The following FHIP1A variants were observed in gnomAD, a reference collection of about 807,000 sequenced individuals.
FHIP1A encodes FHF complex subunit HOOK-interacting protein 1A.
FHIP1A carries 61 observed loss-of-function variants against 88.6 expected under a neutral mutation model. The ratio of observed to expected loss-of-function variants is 0.69; its 90% CI spans 0.56 to 0.85. The LOEUF is 0.85. Among genes scored for constraint, FHIP1A ranks in the 40% least tolerant of loss-of-function variants. The pLI, the probability that FHIP1A is intolerant of heterozygous loss-of-function variation, is 0.00. For missense variants in FHIP1A, 1,154 were observed against 1,273.5 expected, an observed-to-expected ratio of 0.91 and a Z score of 1.43; for synonymous variants, 478 against 496.0, an observed-to-expected ratio of 0.96 and a Z score of 0.48.
In FHIP1A at chr4:151,566,270, C is replaced by T. The variant is rs200891989; in HGVS notation, c.11C>T (p.Ser4Leu). ...GATTTATGAAGGCTTATGATGTCATCGGTTTCGACAGAAAGCAAACTCCAG... is the reference window on the plus strand; with the variant it reads ...GATTTATGAAGGCTTATGATGTCATTGGTTTCGACAGAAAGCAAACTCCAG... Reference protein sequence around the residue: MMSSVSTESKLQQA... With the variant: MMSLVSTESKLQQA... The change falls in exon 4 of 14, where the codon TCG (serine) becomes TTG (leucine). Residue 4 changes from serine to leucine, a missense_variant. Ser to Leu is a moderately radical substitution (Grantham distance 145). Transcript: ENST00000435205. 57 of 1,547,880 alleles carry T rather than the reference C, an allele frequency of 3.7e-5. No homozygotes were observed. The highest frequency in any genetic ancestry group is 4.7e-5 in the Non-Finnish European group (54 of 1,144,022).
chr4:151,513,105 C>T (rs1204020675), intron 3 of FHIP1A, among the ~76,000 whole-genome samples: 5 of 151,822 alleles, frequency 3.3e-5, no homozygotes, highest in African/African-American at 9.7e-5. Flanking sequence ...GCGGATCTCT[C>T]GGCAGAAACT....
intron 3 of FHIP1A, among the ~76,000 whole-genome samples, chr4:151,517,465 A>C (rs1731285244): frequency 6.6e-6 from 1 of 152,094 alleles, no homozygotes; most frequent in East Asian, 1.9e-4. Context: ...AATAATGATA[A>C]ATTTAAAAAA....
At chr4:151,609,734 T>C (rs1560797904) in intron 7 of FHIP1A, among the ~76,000 whole-genome samples, 1 of 152,192 alleles carries the variant, frequency 6.6e-6, no homozygotes, top group East Asian at 1.9e-4. Flanking sequence ...GTTATGTGAC[T>C]GGAAGACCAG....
intron 3 of FHIP1A, among the ~76,000 whole-genome samples, chr4:151,515,322 C>T (rs947045654): frequency 1.3e-5 from 2 of 151,158 alleles, no homozygotes; most frequent in East Asian, 1.9e-4. Context: ...TAAGAGCTAT[C>T]TATGACAAAC....
chr4:151,622,289 G>C (rs1009187107), intron 7 of FHIP1A, among the ~76,000 whole-genome samples: 2 of 152,126 alleles, frequency 1.3e-5, no homozygotes, highest in African/African-American at 4.8e-5. Context: ...GCAGGGTAAG[G>C]TACAATTTAA....
chr4:151,413,423 T>C (rs955279395), intron 1 of FHIP1A, among the ~76,000 whole-genome samples: 4 of 152,172 alleles, frequency 2.6e-5, no homozygotes, highest in Non-Finnish European at 4.4e-5. Context: ...TTAGATAATA[T>C]TTTATACTGT....
chr4:151,555,779 T>C (rs995894846), intron 3 of FHIP1A, among the ~76,000 whole-genome samples: 6 of 152,182 alleles, frequency 3.9e-5, no homozygotes, highest in African/African-American at 9.6e-5. Context: ...CCCTGAAGGC[T>C]GGCTGGCTGA....
At chr4:151,480,589 T>G (rs1274782475) in intron 2 of FHIP1A, among the ~76,000 whole-genome samples, 2 of 152,038 alleles carry the variant, frequency 1.3e-5, no homozygotes, top group Non-Finnish European at 2.9e-5. Flanking sequence ...TAAAACCCCT[T>G]GCGATTAAAT....
intron 3 of FHIP1A, among the ~76,000 whole-genome samples, chr4:151,511,295 C>G (rs558063086): frequency 4.6e-5 from 7 of 152,118 alleles, no homozygotes; most frequent in Non-Finnish European, 1.0e-4. Flanking sequence ...AATGCAATCC[C>G]GAGGTGGAGC....
In FHIP1A at chr4:151,536,896, ACAGTGT is replaced by A. The variant is rs551308755; in HGVS notation, c.-122-29240_-122-29235del. ...TATTCTTTATTTTTTTGTTTTTTTG[ACAGTGT>A]CTTACTCCGTTGCCCAGGCTGGAGT... On this transcript the variant is annotated intron_variant, in intron 3 of 13. Transcript: ENST00000435205. 1.6e-4 allele frequency among the ~76,000 whole-genome samples: 25 copies of A among 151,834 alleles called. No individual in the cohort carries two copies. The South Asian group carries it at 3.1e-3, about 19-fold the overall frequency.
chr4:151,447,585 G>T (rs1299870667), intron 1 of FHIP1A, among the ~76,000 whole-genome samples: 3 of 152,052 alleles, frequency 2.0e-5, no homozygotes, highest in African/African-American at 7.2e-5. Flanking sequence ...AAAAATTGTA[G>T]TGAAATATAC....
intron 3 of FHIP1A, among the ~76,000 whole-genome samples, chr4:151,509,339 G>A (rs1174702170): frequency 6.6e-6 from 1 of 151,526 alleles, no homozygotes; most frequent in African/African-American, 2.4e-5. Context: ...ATTTTTTTTT[G>A]TATTTTTAGT....
At chr4:151,419,510 G>A (rs1387883920) in intron 1 of FHIP1A, among the ~76,000 whole-genome samples, 3 of 146,872 alleles carry the variant, frequency 2.0e-5, no homozygotes, top group Non-Finnish European at 4.5e-5. Flanking sequence ...GGGCATTTAT[G>A]ATCTGGTGCT....
At chr4:151,622,930 C>G (rs752021802) in intron 7 of FHIP1A, among the ~76,000 whole-genome samples, 17 of 152,084 alleles carry the variant, frequency 1.1e-4, no homozygotes, top group Non-Finnish European at 1.9e-4. Context: ...GCATTATACT[C>G]TAATAAATTA....
In FHIP1A at chr4:151,656,728, G is replaced by A. The variant is rs1401376795; in HGVS notation, c.2731-32G>A. The A allele has an allele frequency of 2.6e-6, 4 of 1,536,370 alleles. No homozygotes were observed. The highest frequency in any genetic ancestry group is 2.6e-6 in the Non-Finnish European group (3 of 1,137,838). On this transcript the variant is annotated intron_variant, in intron 12 of 13. Coordinates refer to ENST00000435205, the MANE Select transcript of FHIP1A (RefSeq NM_001109977.3). This position sits in a 1 kb window ranked among gnomAD's most constrained non-coding sequence, Gnocchi z 4.2. ...AACTGGGAGTGGAATTTCATGGTGA[G>A]GCATTAACATCAGTAATGCTGTTTT...
chr4:151,482,517 T>C lies in FHIP1A; in HGVS notation c.-247-7T>C, dbSNP rs990725006. 5 of 152,010 alleles carry C rather than the reference T, an allele frequency of 3.3e-5. No individual in the cohort carries two copies. Among genetic ancestry groups the C allele is most frequent in the African/African-American group, 1.2e-4 (5 of 41,450 alleles). 9.4% of individuals were successfully genotyped at this position (152,010 alleles called of 1,614,324 possible). A position where few individuals can be genotyped will look rare whatever the true frequency, so the allele number is the denominator to read the frequency against. The stretch of plus-strand genomic sequence containing the variant: ...TTATTAATTATTATTTTTATTCCTC[T>C]TCATAGATTTTTAAAGTCTTCTTCT... On this transcript the variant is annotated splice_polypyrimidine_tract_variant and splice_region_variant and intron_variant, in intron 2 of 13. Coordinates refer to ENST00000435205, the MANE Select transcript of FHIP1A (RefSeq NM_001109977.3).
chr4:151,651,864 A>G (rs1388475503), intron 11 of FHIP1A, among the ~76,000 whole-genome samples: 1 of 152,240 alleles, frequency 6.6e-6, no homozygotes, highest in Non-Finnish European at 1.5e-5. Flanking sequence ...TCTAGTTGAG[A>G]TAACATTTCA....
At position 151,537,188 on chromosome 4, in the gene FHIP1A, A is replaced by G. The variant is rs1256946894; in HGVS notation, c.-122-28950A>G. ...CCATTGTCCCAGCCCATGTTTAGTT[A>G]AGAAACTGCCAAATGTTTTCCAGAG... On this transcript the variant is annotated intron_variant, in intron 3 of 13. Coordinates refer to ENST00000435205, the MANE Select transcript of FHIP1A (RefSeq NM_001109977.3). 2.3e-4 allele frequency among the ~76,000 whole-genome samples: 35 copies of G among 151,820 alleles called. No individual in the cohort carries two copies. In the Admixed American group the frequency reaches 2.3e-3, roughly 10 times the overall value.
At chr4:151,657,744 G>A (rs1369907249) in intron 13 of FHIP1A, among the ~76,000 whole-genome samples, 1 of 152,204 alleles carries the variant, frequency 6.6e-6, no homozygotes, top group African/African-American at 2.4e-5. Context: ...TCAGTCCTGG[G>A]CCAAAGGCAA....
Sources: gnomAD v4.1 joint callset for allele counts (sites outside exome capture counted in the v4.1 genomes callset) on GRCh38, gnomAD v4.1.1 for gene constraint, Gnocchi (gnomAD v3.1) non-coding constraint, MANE v1.5 for transcripts, NCBI Gene and HGNC (gene_info 2026-07-23, HGNC 2026-07-21) for gene names.